SLIT2: variants seen among roughly 807,000 people sequenced by gnomAD.
SLIT2 encodes slit homolog 2 protein.
Under a neutral mutation model 185.7 loss-of-function variants are expected in SLIT2, and 41 were observed. The observed-to-expected ratio is 0.22, with a 90% CI of 0.17 to 0.29. The LOEUF (loss-of-function observed/expected upper bound fraction) is 0.29, where lower values mean the gene tolerates loss of function less well. Among genes scored for constraint, SLIT2 ranks in the 10% least tolerant of loss-of-function variants. The pLI, the probability that SLIT2 is intolerant of heterozygous loss-of-function variation, is 1.00. For missense variants in SLIT2, 1,571 were observed against 1,909.0 expected, an observed-to-expected ratio of 0.82 and a Z score of 3.30; for synonymous variants, 693 against 680.2, an observed-to-expected ratio of 1.02 and a Z score of -0.29.
chr4:20,552,874 A>G (rs1723898021), intron 25 of SLIT2, among the ~76,000 whole-genome samples: 1 of 152,210 alleles, frequency 6.6e-6, no homozygotes, highest in South Asian at 2.1e-4. Context: ...TTATGAGTCC[A>G]GGTCTCAGTT....
intron 4 of SLIT2, among the ~76,000 whole-genome samples, chr4:20,313,773 G>A (rs961195102): frequency 6.6e-6 from 1 of 151,946 alleles, no homozygotes; most frequent in African/African-American, 2.4e-5. Context: ...TTGGCAAAAG[G>A]GTTTGTCCTC....
chr4:20,503,186 T>A (rs1368661303), intron 9 of SLIT2, among the ~76,000 whole-genome samples: 1 of 152,218 alleles, frequency 6.6e-6, no homozygotes, highest in Non-Finnish European at 1.5e-5. Flanking sequence ...TGAAAAATTA[T>A]GTAGTTCATA....
chr4:20,543,289 G>T (rs3775824), intron 21 of SLIT2, among the ~76,000 whole-genome samples: 29,285 of 151,968 alleles, frequency 0.19, 3,122 homozygotes, highest in South Asian at 0.27. Flanking sequence ...ATATGGCCAG[G>T]ATATACACAT....
intron 4 of SLIT2, among the ~76,000 whole-genome samples, chr4:20,451,829 A>C (rs1712508262): frequency 6.6e-6 from 1 of 152,220 alleles, no homozygotes; most frequent in Non-Finnish European, 1.5e-5. Flanking sequence ...GTTTCAAGCA[A>C]GTGGAAGGGT....
chr4:20,568,341 G>A (rs1469199303), intron 28 of SLIT2, among the ~76,000 whole-genome samples: 1 of 151,932 alleles, frequency 6.6e-6, no homozygotes, highest in African/African-American at 2.4e-5. Context: ...GCCAGAGGAA[G>A]GATTGTATTT....
intron 4 of SLIT2, among the ~76,000 whole-genome samples, chr4:20,441,852 T>A (rs1729778014): frequency 6.6e-6 from 1 of 152,186 alleles, no homozygotes; most frequent in Non-Finnish European, 1.5e-5. Context: ...ATGAGGTCTA[T>A]AAAGTATTTT....
At chr4:20,397,786 C>T (rs944443771) in intron 4 of SLIT2, among the ~76,000 whole-genome samples, 1 of 151,796 alleles carries the variant, frequency 6.6e-6, no homozygotes, top group Non-Finnish European at 1.5e-5. Flanking sequence ...CATATACCCA[C>T]TGTCCTCCCA....
At chr4:20,489,024 C>A (rs373697110) in intron 8 of SLIT2, 42 bp downstream of exon 8, 30 of 1,517,640 alleles carry the variant, frequency 2.0e-5, no homozygotes, top group Non-Finnish European at 2.7e-5. Flanking sequence ...TTTATTGTAT[C>A]CTGTTATGTA....
At chr4:20,354,897 G>T (rs1235490127) in intron 4 of SLIT2, among the ~76,000 whole-genome samples, 1 of 120,612 alleles carries the variant, frequency 8.3e-6, no homozygotes, top group Non-Finnish European at 1.7e-5. Context: ...GTGTGTGTGT[G>T]TGTGTGTGTG....
chr4:20,480,668 A>G, intron 5 of SLIT2, 48 bp from the exon 6 acceptor site: 3 of 1,433,714 alleles, frequency 2.1e-6, no homozygotes, highest in Non-Finnish European at 3.0e-6. Flanking sequence ...CACCTACCCC[A>G]GCTACTGTCC....
chr4:20,375,382 C>T (rs1315168553), intron 4 of SLIT2, among the ~76,000 whole-genome samples: 1 of 151,998 alleles, frequency 6.6e-6, no homozygotes, highest in Non-Finnish European at 1.5e-5. Context: ...GGAATATGTA[C>T]ACCTGTCACT....
chr4:20,580,056 A>G lies in SLIT2; in HGVS notation c.3089-9588A>G, dbSNP rs1443424666. On this transcript the variant is annotated intron_variant, in intron 29 of 36. Coordinates refer to ENST00000504154, the MANE Select transcript of SLIT2 (RefSeq NM_004787.4). ...ATATATTATGTATATATTATATATT[A>G]TGTATATATTATATATATATATATA... is the stretch of plus-strand genomic sequence containing the variant. 4.2e-5 allele frequency among the ~76,000 whole-genome samples: 5 copies of G among 117,816 alleles called. No homozygotes were observed. The Admixed American group carries it at 5.8e-4, about 14-fold the overall frequency. 77.3% of individuals were successfully genotyped at this position (117,816 alleles called of 152,430 possible).
intron 4 of SLIT2, among the ~76,000 whole-genome samples, chr4:20,438,182 A>G (rs936473278): frequency 6.6e-6 from 1 of 152,176 alleles, no homozygotes; most frequent in Non-Finnish European, 1.5e-5. Flanking sequence ...GATCCTGTTT[A>G]AAACATAAGT....
chr4:20,530,390 C>T (rs2148860015), intron 16 of SLIT2, among the ~76,000 whole-genome samples: 1 of 152,078 alleles, frequency 6.6e-6, no homozygotes, highest in South Asian at 2.1e-4. Flanking sequence ...CCACCTCAGT[C>T]CCCCACCCCC....
In SLIT2 at chr4:20,526,084, C is replaced by T. The variant is rs559284844; in HGVS notation, c.1462+912C>T. Among the ~76,000 whole-genome samples the T allele has an allele frequency of 5.3e-4, 80 of 152,206 alleles. No homozygotes were observed. In the South Asian group the frequency reaches 0.016, roughly 30 times the overall value. ...CACCGTCTCTTGGGTATATTCTAGA[C>T]TATAAAAAATTTTAAGAGCTATAGA... On this transcript the variant is annotated intron_variant, in intron 15 of 36. Transcript: ENST00000504154.
intron 4 of SLIT2, among the ~76,000 whole-genome samples, chr4:20,375,320 G>C (rs976992532): frequency 1.3e-5 from 2 of 151,930 alleles, no homozygotes; most frequent in Admixed American, 6.6e-5. Flanking sequence ...TTGTAGAAAT[G>C]GTACAATGGA....
chr4:20,489,198 A>C (rs1423403429), intron 8 of SLIT2, among the ~76,000 whole-genome samples: 2 of 152,222 alleles, frequency 1.3e-5, no homozygotes, highest in Non-Finnish European at 2.9e-5. Flanking sequence ...AATTATGATA[A>C]AACACTTTTC....
rs138789326 is a variant in SLIT2, at chr4:20,333,731, C to T, written c.395+64850C>T. On this transcript the variant is annotated intron_variant, in intron 4 of 36. Coordinates refer to ENST00000504154, the MANE Select transcript of SLIT2 (RefSeq NM_004787.4). ...TTTGGTTCAAGCTTTGAGCCATAGA[C>T]AGTTCCTTTATTAATTTGTTTTGAA... is the stretch of plus-strand genomic sequence containing the variant. Among the ~76,000 whole-genome samples, 651 of 152,250 alleles carry T rather than the reference C, an allele frequency of 4.3e-3. 3 individuals are homozygous for T. The highest frequency in any genetic ancestry group is 0.013 in the African/African-American group (559 of 41,562).
chr4:20,362,554 A>G (rs114050581), intron 4 of SLIT2, among the ~76,000 whole-genome samples: 11,383 of 151,842 alleles, frequency 0.075, 565 homozygotes, highest in Non-Finnish European at 0.11. Flanking sequence ...TTAATTTTAT[A>G]TTATTTATGT....
Sources: allele counts gnomAD v4.1 joint callset (sites outside exome capture counted in the v4.1 genomes callset), GRCh38; gene constraint gnomAD v4.1.1; transcripts MANE v1.5; gene names NCBI Gene and HGNC (gene_info 2026-07-23, HGNC 2026-07-21).